WDPCP: variants seen among roughly 807,000 people sequenced by gnomAD.
WDPCP encodes WD repeat-containing and planar cell polarity effector protein fritz homolog.
A neutral mutation model predicts 93.1 loss-of-function variants in WDPCP; 71 were observed. The observed-to-expected ratio is 0.76, with a 90% CI of 0.63 to 0.93. WDPCP has a LOEUF of 0.93. Ranked by LOEUF, WDPCP falls within the 40% of genes least tolerant of loss-of-function variation. The probability of loss-of-function intolerance (pLI) is 0.00; values close to 1 mark genes in which losing one functional copy is unlikely to be tolerated. For synonymous variants in WDPCP, 315 were observed against 315.0 expected, an observed-to-expected ratio of 1.00 and a Z score of 0.00; for missense variants, 844 against 887.4, an observed-to-expected ratio of 0.95 and a Z score of 0.62.
intron 10 of WDPCP, among the ~76,000 whole-genome samples, chr2:63,391,484 G>C (rs531891488): frequency 2.7e-4 from 41 of 152,248 alleles, no homozygotes; most frequent in African/African-American, 9.4e-4. Context: ...ACCGGCACGA[G>C]ACAAGGATGC....
intron 1 of WDPCP, among the ~76,000 whole-genome samples, chr2:63,534,644 C>T (rs371543487): frequency 1.9e-4 from 29 of 152,090 alleles, no homozygotes; most frequent in Admixed American, 8.5e-4. Flanking sequence ...GAAAAGGCCT[C>T]TGACAAAATT....
intron 9 of WDPCP, among the ~76,000 whole-genome samples, chr2:63,408,103 T>G (rs901536484): frequency 2.0e-5 from 3 of 151,946 alleles, no homozygotes; most frequent in Non-Finnish European, 4.4e-5. Flanking sequence ...AGATCTAGAG[T>G]GCACCTCCAG....
chr2:63,409,558 T>C (rs979090401), intron 9 of WDPCP, among the ~76,000 whole-genome samples: 1 of 152,002 alleles, frequency 6.6e-6, no homozygotes, highest in African/African-American at 2.4e-5. Context: ...AAATCCCTGA[T>C]TTACCTGAAA....
intron 2 of WDPCP, among the ~76,000 whole-genome samples, chr2:63,782,612 G>A (rs547582526): frequency 1.3e-5 from 2 of 152,222 alleles, no homozygotes; most frequent in South Asian, 2.1e-4. Flanking sequence ...ACCACAATGA[G>A]ATATTGTCTT....
At chr2:63,528,655 T>G (rs927284685) in intron 1 of WDPCP, among the ~76,000 whole-genome samples, 2 of 152,224 alleles carry the variant, frequency 1.3e-5, no homozygotes, top group African/African-American at 4.8e-5. Context: ...GCATGATGCC[T>G]CCAGCTTTGT....
In WDPCP at chr2:63,404,274, A is replaced by G. The variant is rs1238582192; in HGVS notation, c.1209T>C (p.Ile403=). 3.1e-6 allele frequency: 5 copies of G among 1,614,052 alleles called. No homozygotes were observed. Among genetic ancestry groups the G allele is most frequent in the Non-Finnish European group, 4.2e-6 (5 of 1,179,956 alleles). Residue 403 remains isoleucine (I), a synonymous_variant, in exon 10 of 18, where the codon ATT becomes ATC. Coordinates refer to ENST00000272321, the MANE Select transcript of WDPCP (RefSeq NM_015910.7). ...LVGSNQGELQ[I]FDMALSPINI... ...TAATAGGGGATAGAGCCATATCAAA[A>G]ATTTGCAACTCCCCTTGGTTGCTGC...
At chr2:63,650,102 G>A (rs1176504084) in intron 3 of WDPCP, among the ~76,000 whole-genome samples, 1 of 152,174 alleles carries the variant, frequency 6.6e-6, no homozygotes, top group African/African-American at 2.4e-5. Flanking sequence ...ATGAGATAAT[G>A]GAATAACCAG....
Position 63,121,754 on chromosome 2 carries a change from C to T in WDPCP, c.*252G>A, listed in dbSNP as rs886678446. The T allele has an allele frequency of 1.1e-6, 1 of 917,218 alleles. No homozygotes were observed. Among genetic ancestry groups the T allele is most frequent in the Non-Finnish European group, 1.5e-6 (1 of 665,634 alleles). 56.8% of individuals were successfully genotyped at this position (917,218 alleles called of 1,614,324 possible). On this transcript the variant is annotated 3_prime_UTR_variant, in exon 18 of 18. Transcript: ENST00000272321. ...CACCTAATTAACATACAATTTAAGA[C>T]ACTTTCAAAATTTTACATTATTGAA...
At chr2:63,402,296 A>C (rs1270229453) in intron 10 of WDPCP, among the ~76,000 whole-genome samples, 1 of 152,074 alleles carries the variant, frequency 6.6e-6, no homozygotes, top group Non-Finnish European at 1.5e-5. Flanking sequence ...GAGGGGAACA[A>C]CACACACAAG....
intron 13 of WDPCP, among the ~76,000 whole-genome samples, chr2:63,299,684 T>C (rs1188963669): frequency 6.6e-6 from 1 of 152,184 alleles, no homozygotes; most frequent in Non-Finnish European, 1.5e-5. Flanking sequence ...TGTCCTCAAC[T>C]TGTAAGGCAT....
chr2:63,214,780 G>C (rs563251912), intron 14 of WDPCP, among the ~76,000 whole-genome samples: 2 of 152,194 alleles, frequency 1.3e-5, no homozygotes, highest in African/African-American at 4.8e-5. Flanking sequence ...CAAAGTCTCA[G>C]GATACAAAAT....
intron 2 of WDPCP, among the ~76,000 whole-genome samples, chr2:63,728,493 C>T (rs1237154524): frequency 6.6e-6 from 1 of 152,190 alleles, no homozygotes; most frequent in East Asian, 1.9e-4. Context: ...TCTTAATCAC[C>T]TCACCCTTGT....
At chr2:63,354,997 A>G (rs2104592640) in intron 12 of WDPCP, among the ~76,000 whole-genome samples, 1 of 152,362 alleles carries the variant, frequency 6.6e-6, no homozygotes, top group South Asian at 2.1e-4. Flanking sequence ...AGGGGGAGAA[A>G]GCAAACATGT....
chr2:63,646,666 C>CACCAGAT (rs1710054379), intron 3 of WDPCP, among the ~76,000 whole-genome samples: 1 of 152,050 alleles, frequency 6.6e-6, no homozygotes, highest in Non-Finnish European at 1.5e-5. Flanking sequence ...AGGATGTTTT[C>CACCAGAT]ACCAGATATA....
intron 17 of WDPCP, among the ~76,000 whole-genome samples, chr2:63,147,013 G>A (rs1229703116): frequency 6.6e-6 from 1 of 152,170 alleles, no homozygotes; most frequent in African/African-American, 2.4e-5. Flanking sequence ...GTCTAGTTTG[G>A]TTCAGTCAAC....
At chr2:63,400,159 G>A (rs1250058033) in intron 10 of WDPCP, among the ~76,000 whole-genome samples, 1 of 152,124 alleles carries the variant, frequency 6.6e-6, no homozygotes, top group South Asian at 2.1e-4. Flanking sequence ...ATGTTAAATT[G>A]TAGAAATCTA....
At chr2:63,656,688 T>G (rs143107920) in intron 2 of WDPCP, among the ~76,000 whole-genome samples, 1 of 152,378 alleles carries the variant, frequency 6.6e-6, no homozygotes, top group African/African-American at 2.4e-5. Context: ...CCAAGCACTA[T>G]TCAAGGTGCT....
At chr2:63,437,746 A>C (rs1697233993) in intron 7 of WDPCP, 192 bp from the exon 8 acceptor site, 1 of 1,146,612 alleles carries the variant, frequency 8.7e-7, no homozygotes, top group African/African-American at 1.6e-5. Flanking sequence ...ATCTAATCAT[A>C]TGTGATTTTT....
chr2:63,205,571 T>G (rs543143898), intron 14 of WDPCP, among the ~76,000 whole-genome samples: 22 of 152,338 alleles, frequency 1.4e-4, no homozygotes, highest in African/African-American at 5.3e-4. Context: ...CCTAGGTATT[T>G]TATTTTATTT....
Sources: gnomAD v4.1 joint callset for allele counts (sites outside exome capture counted in the v4.1 genomes callset) on GRCh38, gnomAD v4.1.1 for gene constraint, MANE v1.5 for transcripts, NCBI Gene and HGNC (gene_info 2026-07-23, HGNC 2026-07-21) for gene names.